The following CPPED1 variants were observed in gnomAD, a reference collection of about 807,000 sequenced individuals.
CPPED1 encodes serine/threonine-protein phosphatase CPPED1.
In CPPED1, 28 loss-of-function variants were observed where a neutral mutation model predicts 28.0. The ratio of observed to expected loss-of-function variants is 1.00; its 90% CI spans 0.74 to 1.37. CPPED1 has a LOEUF of 1.37. CPPED1 is among the 40% of genes most tolerant of loss of function. The pLI is 0.00. For missense variants in CPPED1, 504 were observed against 416.5 expected (o/e 1.21, Z -1.83); for synonymous variants, 198 against 180.2 (o/e 1.10, Z -0.79).
At position 12,803,838 on chromosome 16, in the gene CPPED1, A is replaced by T; in HGVS notation, c.-62T>A. 1 of 1,478,202 alleles carries T rather than the reference A, an allele frequency of 6.8e-7. No homozygotes were observed. The highest frequency in any genetic ancestry group is 9.2e-7 in the Non-Finnish European group (1 of 1,090,310). The allele number at this position is 1,478,202 out of a possible 1,614,324, so 91.6% of individuals were successfully genotyped here. On this transcript the variant is annotated 5_prime_UTR_variant, in exon 1 of 4. Transcript: ENST00000381774. ...GTGGGTGGAAGCCGCGCGACTTCAC[A>T]CAGAACAACCGCTGGACCTGTCCCG...
chr16:12,788,359 A>T (rs1348835694), intron 1 of CPPED1, among the ~76,000 whole-genome samples: 1 of 152,156 alleles, frequency 6.6e-6, no homozygotes, highest in Non-Finnish European at 1.5e-5. Context: ...CACATACTTA[A>T]CTTATCTCAG....
Position 12,676,609 on chromosome 16 carries a change from G to T in CPPED1, c.716-11494C>A, listed in dbSNP as rs193059762. On this transcript the variant is annotated intron_variant, in intron 3 of 3. Coordinates refer to ENST00000381774, the MANE Select transcript of CPPED1 (RefSeq NM_018340.3). ...ACAGGCTCTGTCCACCATCTGAGAGGTGCAAAGTGCCAAAGATCACCGTGC... is the reference window on the plus strand; with the variant it reads ...ACAGGCTCTGTCCACCATCTGAGAGTTGCAAAGTGCCAAAGATCACCGTGC... Among the ~76,000 whole-genome samples the T allele has an allele frequency of 6.0e-4, 91 of 152,248 alleles. 1 individual carries two copies. Among genetic ancestry groups the T allele is most frequent in the African/African-American group, 2.0e-3 (85 of 41,540 alleles).
intron 2 of CPPED1, among the ~76,000 whole-genome samples, chr16:12,718,264 C>T (rs780872348): frequency 3.3e-5 from 5 of 152,132 alleles, no homozygotes; most frequent in Admixed American, 2.0e-4. Context: ...ATTGGCCAGG[C>T]GCAGTGGCTT....
chr16:12,773,493 C>T lies in CPPED1; in HGVS notation c.289+7692G>A, dbSNP rs143408647. The stretch of plus-strand genomic sequence containing the variant: ...AGTCCAACACTTTGGGAGGACGAGG[C>T]AAGCAGATCACTTCCAGCCAGGAGT... On this transcript the variant is annotated intron_variant, in intron 2 of 3. Coordinates refer to ENST00000381774, the MANE Select transcript of CPPED1 (RefSeq NM_018340.3). Among the ~76,000 whole-genome samples, 1,003 of 152,232 alleles carry T rather than the reference C, an allele frequency of 6.6e-3. 10 individuals carry two copies. Among genetic ancestry groups the T allele is most frequent in the African/African-American group, 0.022 (927 of 41,546 alleles).
At chr16:12,798,583 T>C (rs772647135) in intron 1 of CPPED1, among the ~76,000 whole-genome samples, 1 of 152,236 alleles carries the variant, frequency 6.6e-6, no homozygotes, top group African/African-American at 2.4e-5. Context: ...GCAAATTCCA[T>C]CAGCTTCTTA....
intron 3 of CPPED1, among the ~76,000 whole-genome samples, chr16:12,686,241 A>AT (rs1555483876): frequency 0.023 from 2,469 of 106,940 alleles, 58 homozygotes; most frequent in African/African-American, 0.067. Context: ...ATATATATAT[A>AT]TTTTTTTTTT....
intron 2 of CPPED1, chr16:12,745,866 A>G (rs1242217046): frequency 6.6e-6 from 1 of 152,222 alleles, no homozygotes; most frequent in Non-Finnish European, 1.5e-5. Context: ...TGAAAAACAG[A>G]AGAAACATAA....
intron 2 of CPPED1, among the ~76,000 whole-genome samples, chr16:12,738,218 G>A (rs985900916): frequency 1.3e-5 from 2 of 152,054 alleles, no homozygotes; most frequent in African/African-American, 4.8e-5. Context: ...ATAATAAGGA[G>A]GTTGTTGATA....
At chr16:12,719,355 CA>C (rs1176179008) in intron 2 of CPPED1, among the ~76,000 whole-genome samples, 1 of 148,292 alleles carries the variant, frequency 6.7e-6, no homozygotes, top group Non-Finnish European at 1.5e-5. Flanking sequence ...AGCGCCACTG[CA>C]TGCTGGCCTG....
At chr16:12,702,874 T>G (rs560415642) in intron 3 of CPPED1, among the ~76,000 whole-genome samples, 2 of 151,988 alleles carry the variant, frequency 1.3e-5, no homozygotes, top group African/African-American at 4.8e-5. Flanking sequence ...TAGCTGGACA[T>G]GGTGATGGGT....
chr16:12,780,726 A>G lies in CPPED1; in HGVS notation c.289+459T>C, dbSNP rs115239473. On this transcript the variant is annotated intron_variant, in intron 2 of 3. Coordinates refer to ENST00000381774, the MANE Select transcript of CPPED1 (RefSeq NM_018340.3). ...ACTTTACAGTCCTATTAGGCAACAC[A>G]TACCTTAAAAAAAAAAAAAAAAGGG... is the stretch of plus-strand genomic sequence containing the variant. 4.9e-3 allele frequency among the ~76,000 whole-genome samples: 514 copies of G among 104,886 alleles called. 4 individuals are homozygous for G. Among genetic ancestry groups the G allele is most frequent in the African/African-American group, 0.018 (489 of 26,560 alleles). 68.8% of individuals were successfully genotyped at this position (104,886 alleles called of 152,430 possible).
chr16:12,660,031 C>T lies in CPPED1; in HGVS notation c.*4855G>A, dbSNP rs1205815698. On this transcript the variant is annotated 3_prime_UTR_variant, in exon 4 of 4. Transcript: ENST00000381774. Reference sequence around the variant, plus strand: ...TGATCCAATTACCTCCCACCAGGTCCGTCCCTTGACACATGGGGATTATGG... The same window carrying T: ...TGATCCAATTACCTCCCACCAGGTCTGTCCCTTGACACATGGGGATTATGG... The T allele has an allele frequency of 1.3e-5, 2 of 152,234 alleles. No individual in the cohort carries two copies. The highest frequency in any genetic ancestry group is 2.4e-5 in the African/African-American group (1 of 41,452). 9.4% of individuals were successfully genotyped at this position (152,234 alleles called of 1,614,324 possible).
At chr16:12,711,519 A>G (rs960018871) in intron 2 of CPPED1, among the ~76,000 whole-genome samples, 1 of 152,232 alleles carries the variant, frequency 6.6e-6, no homozygotes, top group Non-Finnish European at 1.5e-5. Context: ...TGCTAAAAGA[A>G]AAGAGAAGAA....
intron 3 of CPPED1, among the ~76,000 whole-genome samples, chr16:12,699,813 G>A (rs966342918): frequency 6.6e-5 from 10 of 152,120 alleles, no homozygotes; most frequent in Admixed American, 1.3e-4. Flanking sequence ...AGAAAACAAA[G>A]GCAATATTAA....
chr16:12,775,401 C>A (rs1596480602), intron 2 of CPPED1, among the ~76,000 whole-genome samples: 1 of 152,212 alleles, frequency 6.6e-6, no homozygotes, highest in African/African-American at 2.4e-5. Context: ...TTTCCTGCAG[C>A]ACTGCCATCA....
intron 2 of CPPED1, among the ~76,000 whole-genome samples, chr16:12,721,778 ATAAAT>A (rs1253546504): frequency 6.6e-6 from 1 of 151,632 alleles, no homozygotes; most frequent in Non-Finnish European, 1.5e-5. Context: ...GGCAAAATAA[ATAAAT>A]AAATAAATAA....
At chr16:12,686,986 G>T (rs1263944344) in intron 3 of CPPED1, among the ~76,000 whole-genome samples, 1 of 152,004 alleles carries the variant, frequency 6.6e-6, no homozygotes, top group Non-Finnish European at 1.5e-5. Context: ...AAAGCCCATT[G>T]CCCGCTTTCT....
rs186217298 is a variant in CPPED1, at chr16:12,749,761, T to C, written c.289+31424A>G. ...CGCCACCATACCTGGCTAATTTTTG[T>C]ATTTTTAGTAGAGACGGGGGATTTC... is the stretch of plus-strand genomic sequence containing the variant. On this transcript the variant is annotated intron_variant, in intron 2 of 3. Coordinates refer to ENST00000381774, the MANE Select transcript of CPPED1 (RefSeq NM_018340.3). 1.4e-4 allele frequency among the ~76,000 whole-genome samples: 22 copies of C among 152,294 alleles called. No individual in the cohort carries two copies. In the East Asian group the frequency reaches 3.5e-3, roughly 24 times the overall value.
At chr16:12,769,585 G>T (rs550552604) in intron 2 of CPPED1, among the ~76,000 whole-genome samples, 4 of 152,154 alleles carry the variant, frequency 2.6e-5, no homozygotes, top group Admixed American at 6.5e-5. Context: ...AGGTAAATTA[G>T]TTCCAACCAC....
Sources: allele counts gnomAD v4.1 joint callset (sites outside exome capture counted in the v4.1 genomes callset), GRCh38; gene constraint gnomAD v4.1.1; transcripts MANE v1.5; gene names NCBI Gene and HGNC (gene_info 2026-07-23, HGNC 2026-07-21).